NPSR1: variants seen among roughly 807,000 people sequenced by gnomAD.
NPSR1 encodes the protein neuropeptide S receptor.
In NPSR1, 48 loss-of-function variants were observed where a neutral mutation model predicts 46.9. The ratio of observed to expected loss-of-function variants is 1.02; its 90% CI spans 0.81 to 1.30. The LOEUF is 1.30. Ranked by LOEUF, NPSR1 falls within the 50% of genes most tolerant of loss-of-function variation. NPSR1 has a pLI of 0.00. For missense variants in NPSR1, 450 were observed against 449.5 expected (o/e 1.00, Z -0.01); for synonymous variants, 176 against 168.1 (o/e 1.05, Z -0.36).
chr7:34,735,634 T>A (rs1459352336), intron 2 of NPSR1, among the ~76,000 whole-genome samples: 1 of 152,242 alleles, frequency 6.6e-6, no homozygotes, highest in Non-Finnish European at 1.5e-5. Context: ...GCTTGATTAG[T>A]TAGTTTCAAA....
intron 3 of NPSR1, among the ~76,000 whole-genome samples, chr7:34,783,522 GC>G (rs1194180966): frequency 3.3e-5 from 5 of 152,040 alleles, no homozygotes; most frequent in Non-Finnish European, 5.9e-5. Flanking sequence ...TAGGAACATA[GC>G]CAAACTATAT....
chr7:34,661,416 C>G (rs1347197080), intron 1 of NPSR1, among the ~76,000 whole-genome samples: 2 of 152,190 alleles, frequency 1.3e-5, no homozygotes, highest in African/African-American at 4.8e-5. Flanking sequence ...TACCTAGTCT[C>G]AGCTGTCTTG....
At chr7:34,846,275 G>T (rs1790738350) in intron 7 of NPSR1, among the ~76,000 whole-genome samples, 1 of 152,028 alleles carries the variant, frequency 6.6e-6, no homozygotes, top group South Asian at 2.1e-4. Context: ...ATACTCCAAG[G>T]CCCTGTGGGA....
intron 3 of NPSR1, chr7:34,779,590 G>A (rs765279614): frequency 1.6e-6 from 2 of 1,284,056 alleles, no homozygotes; most frequent in South Asian, 2.3e-5. Context: ...ATATGGAATA[G>A]TTACAATCTT....
chr7:34,777,905 T>C (rs34378229), intron 2 of NPSR1, among the ~76,000 whole-genome samples: 4,251 of 152,234 alleles, frequency 0.028, 99 homozygotes, highest in Non-Finnish European at 0.045. Context: ...CAACCAAGTA[T>C]ATTAATTAAA....
intron 4 of NPSR1, among the ~76,000 whole-genome samples, chr7:34,818,864 A>T (rs1789395749): frequency 6.6e-6 from 1 of 152,250 alleles, no homozygotes; most frequent in Non-Finnish European, 1.5e-5. Context: ...CTGGCTAGCC[A>T]TATGGAGAAA....
intron 3 of NPSR1, among the ~76,000 whole-genome samples, chr7:34,783,541 G>A (rs1204567234): frequency 6.6e-6 from 1 of 151,972 alleles, no homozygotes; most frequent in Non-Finnish European, 1.5e-5. Context: ...TATTATACAA[G>A]TTATAGGAGT....
intron 2 of NPSR1, chr7:34,750,662 G>T: frequency 2.9e-6 from 2 of 696,386 alleles, no homozygotes; most frequent in South Asian, 2.9e-5. Context: ...GCCCATAACT[G>T]ACAAAAAAGA....
chr7:34,762,559 G>A (rs2128729589), intron 2 of NPSR1, among the ~76,000 whole-genome samples: 1 of 152,234 alleles, frequency 6.6e-6, no homozygotes, highest in Non-Finnish European at 1.5e-5. Context: ...AAGAAAAGTA[G>A]AAGAGGGACC....
At chr7:34,669,793 C>T (rs1409726634) in intron 1 of NPSR1, among the ~76,000 whole-genome samples, 1 of 152,084 alleles carries the variant, frequency 6.6e-6, no homozygotes, top group South Asian at 2.1e-4. Flanking sequence ...GTGACCTTCC[C>T]AAGGTTACAT....
chr7:34,838,805 G>A (rs1197242419), intron 6 of NPSR1, among the ~76,000 whole-genome samples: 1 of 152,208 alleles, frequency 6.6e-6, no homozygotes, highest in Non-Finnish European at 1.5e-5. Flanking sequence ...TTCCAATCCT[G>A]TATGTTATCT....
chr7:34,839,231 G>A (rs73693327), intron 6 of NPSR1, among the ~76,000 whole-genome samples: 6 of 152,108 alleles, frequency 3.9e-5, no homozygotes, highest in African/African-American at 1.2e-4. Context: ...GGATAGTAAG[G>A]TTCAATATCA....
At chr7:34,817,801 G>C (rs1789320462) in intron 4 of NPSR1, among the ~76,000 whole-genome samples, 1 of 152,030 alleles carries the variant, frequency 6.6e-6, no homozygotes, top group South Asian at 2.1e-4. Flanking sequence ...CACATAAACA[G>C]AACCAATGAC....
chr7:34,699,374 AT>A (rs1447369193), intron 2 of NPSR1, among the ~76,000 whole-genome samples: 1 of 152,268 alleles, frequency 6.6e-6, no homozygotes, highest in African/African-American at 2.4e-5. Context: ...TTGTTAATGC[AT>A]TCCTGCAATG....
At chr7:34,792,623 G>A (rs199625346) in intron 3 of NPSR1, among the ~76,000 whole-genome samples, 1 of 74,788 alleles carries the variant, frequency 1.3e-5, no homozygotes, top group Non-Finnish European at 3.0e-5. Flanking sequence ...ATGTGTATAT[G>A]TGTGTGTGTG....
At chr7:34,846,258 A>G (rs768529603) in intron 7 of NPSR1, among the ~76,000 whole-genome samples, 3 of 152,120 alleles carry the variant, frequency 2.0e-5, no homozygotes, top group Non-Finnish European at 1.5e-5. Flanking sequence ...CTTTATCATC[A>G]GCAACCATAC....
chr7:34,850,635 C>T (rs570218595), downstream of NPSR1, among the ~76,000 whole-genome samples: 171 of 152,206 alleles, frequency 1.1e-3, 6 homozygotes, highest in South Asian at 0.034. Context: ...CTCCTGACCT[C>T]GTGATCTGCC....
intron 8 of NPSR1, among the ~76,000 whole-genome samples, chr7:34,870,045 T>C (rs1158775141): frequency 3.3e-5 from 5 of 151,836 alleles, no homozygotes; most frequent in Admixed American, 6.5e-5. Context: ...TCCAGGCTGC[T>C]CTCTGTGCCT....
intron 3 of NPSR1, among the ~76,000 whole-genome samples, chr7:34,807,893 C>T (rs112966427): frequency 6.6e-6 from 1 of 151,738 alleles, no homozygotes; most frequent in Non-Finnish European, 1.5e-5. Flanking sequence ...GCCCCTACCC[C>T]CCACCACCAC....
Sources: allele counts gnomAD v4.1 joint callset (sites outside exome capture counted in the v4.1 genomes callset), GRCh38; gene constraint gnomAD v4.1.1; transcripts MANE v1.5; gene names NCBI Gene and HGNC (gene_info 2026-07-23, HGNC 2026-07-21).